The following CADPS2 variants were observed in gnomAD, a reference collection of about 807,000 sequenced individuals.
CADPS2 encodes calcium-dependent secretion activator 2.
In CADPS2, 93 loss-of-function variants were observed where a neutral mutation model predicts 172.5. The observed-to-expected ratio is 0.54, with a 90% CI of 0.46 to 0.64. The LOEUF (loss-of-function observed/expected upper bound fraction) is 0.64. Among genes scored for constraint, CADPS2 ranks in the 30% least tolerant of loss-of-function variants. The pLI is 0.00. For synonymous variants in CADPS2, 546 were observed against 555.2 expected, an observed-to-expected ratio of 0.98 and a Z score of 0.23; for missense variants, 1,420 against 1,565.9, an observed-to-expected ratio of 0.91 and a Z score of 1.57.
At chr7:122,838,230 C>A (rs1337693658) in intron 1 of CADPS2, among the ~76,000 whole-genome samples, 1 of 152,148 alleles carries the variant, frequency 6.6e-6, no homozygotes, top group Non-Finnish European at 1.5e-5. Context: ...AATTCAACAG[C>A]CCTTCATGCT....
intron 27 of CADPS2, among the ~76,000 whole-genome samples, chr7:122,347,268 TGAAA>T (rs1261079673): frequency 3.3e-5 from 5 of 152,150 alleles, no homozygotes; most frequent in Admixed American, 6.6e-5. Context: ...TCTCCCTAAA[TGAAA>T]GAGAGTTCTT....
At chr7:122,571,498 C>T (rs916478667) in intron 7 of CADPS2, among the ~76,000 whole-genome samples, 9 of 152,104 alleles carry the variant, frequency 5.9e-5, no homozygotes, top group Non-Finnish European at 1.0e-4. Context: ...ATACTTTCCT[C>T]TACCTCTACA....
chr7:122,789,468 G>T (rs1042870367), intron 1 of CADPS2, among the ~76,000 whole-genome samples: 1 of 152,078 alleles, frequency 6.6e-6, no homozygotes, highest in African/African-American at 2.4e-5. Context: ...TCTTGCAAGG[G>T]ATATCTGTTA....
intron 9 of CADPS2, among the ~76,000 whole-genome samples, chr7:122,492,348 A>G (rs2058370747): frequency 6.6e-6 from 1 of 152,048 alleles, no homozygotes; most frequent in African/African-American, 2.4e-5. Context: ...CTGCCTCTTA[A>G]TTCTTCTTGT....
chr7:122,816,636 G>A (rs1801502352), intron 1 of CADPS2, among the ~76,000 whole-genome samples: 1 of 152,188 alleles, frequency 6.6e-6, no homozygotes, highest in Admixed American at 6.5e-5. Flanking sequence ...CTTTGTGAAT[G>A]TACATTCTCA....
intron 19 of CADPS2, among the ~76,000 whole-genome samples, chr7:122,411,893 T>A (rs1044032896): frequency 2.6e-5 from 4 of 152,194 alleles, no homozygotes; most frequent in Admixed American, 2.6e-4. Flanking sequence ...TCACTGATAA[T>A]CAGGTTCATA....
chr7:122,788,090 A>C (rs939607431), intron 1 of CADPS2, among the ~76,000 whole-genome samples: 3 of 152,238 alleles, frequency 2.0e-5, no homozygotes, highest in Non-Finnish European at 4.4e-5. Flanking sequence ...AAATCTGCCC[A>C]GCCATCAGGC....
intron 1 of CADPS2, among the ~76,000 whole-genome samples, chr7:122,811,556 CTAAGAT>C (rs1800023095): frequency 6.6e-6 from 1 of 151,936 alleles, no homozygotes; most frequent in African/African-American, 2.4e-5. Flanking sequence ...TAGTATTTAA[CTAAGAT>C]TAAGATAATA....
chr7:122,604,940 C>T (rs934772351), intron 6 of CADPS2, among the ~76,000 whole-genome samples: 6 of 152,034 alleles, frequency 3.9e-5, no homozygotes, highest in African/African-American at 1.2e-4. Flanking sequence ...ACAGAGTGTA[C>T]TTATACAAAC....
intron 2 of CADPS2, among the ~76,000 whole-genome samples, chr7:122,692,550 C>A (rs757525479): frequency 2.0e-5 from 3 of 152,180 alleles, no homozygotes; most frequent in Non-Finnish European, 4.4e-5. Context: ...CCACTGGGGC[C>A]CACCCAGGCA....
At chr7:122,550,357 T>C (rs2064115525) in intron 8 of CADPS2, among the ~76,000 whole-genome samples, 1 of 152,190 alleles carries the variant, frequency 6.6e-6, no homozygotes, top group Admixed American at 6.5e-5. Context: ...AAGAGAAATA[T>C]GAGATTCATC....
chr7:122,342,677 A>C (rs1159360121), intron 28 of CADPS2, among the ~76,000 whole-genome samples: 1 of 152,082 alleles, frequency 6.6e-6, no homozygotes, highest in Non-Finnish European at 1.5e-5. Context: ...TGACCCAGAA[A>C]CTGTAGCCCT....
intron 7 of CADPS2, among the ~76,000 whole-genome samples, chr7:122,577,836 C>T (rs549914753): frequency 2.5e-4 from 38 of 152,128 alleles, no homozygotes; most frequent in Middle Eastern, 3.4e-3. Flanking sequence ...TCTGCATTTT[C>T]GCCATTTTAG....
chr7:122,615,367 G>A (rs1429215880), intron 5 of CADPS2, 68 bp from the exon 6 acceptor site: 3 of 1,029,562 alleles, frequency 2.9e-6, no homozygotes, highest in Non-Finnish European at 4.2e-6. Context: ...ATAAACAGCA[G>A]CATGAACTGT....
chr7:122,429,679 C>T (rs927298028), intron 17 of CADPS2, among the ~76,000 whole-genome samples: 1 of 152,054 alleles, frequency 6.6e-6, no homozygotes, highest in Non-Finnish European at 1.5e-5. Context: ...TTGCCATTGT[C>T]GGTGCCTATG....
chr7:122,357,646 C>T (rs2039584966), intron 27 of CADPS2, among the ~76,000 whole-genome samples: 1 of 152,132 alleles, frequency 6.6e-6, no homozygotes, highest in Non-Finnish European at 1.5e-5. Flanking sequence ...TCAGCCCTCC[C>T]TGACCTTGAA....
chr7:122,607,008 A>G (rs923102297), intron 6 of CADPS2, among the ~76,000 whole-genome samples: 2 of 151,840 alleles, frequency 1.3e-5, no homozygotes, highest in African/African-American at 4.8e-5. Flanking sequence ...TGATATGACA[A>G]ACGGCATTTG....
intron 20 of CADPS2, among the ~76,000 whole-genome samples, chr7:122,396,156 A>T (rs1256172312): frequency 6.6e-6 from 1 of 152,032 alleles, no homozygotes. Context: ...AGGCATAGAG[A>T]GTTTAAGATA....
intron 8 of CADPS2, among the ~76,000 whole-genome samples, chr7:122,519,293 T>G (rs1031682704): frequency 6.6e-6 from 1 of 152,092 alleles, no homozygotes; most frequent in Non-Finnish European, 1.5e-5. Flanking sequence ...TATTTTAAAA[T>G]AACTGCCCAG....
Sources: gnomAD v4.1 joint callset for allele counts (sites outside exome capture counted in the v4.1 genomes callset) on GRCh38, gnomAD v4.1.1 for gene constraint, MANE v1.5 for transcripts, NCBI Gene and HGNC (gene_info 2026-07-23, HGNC 2026-07-21) for gene names.